The following SAMSN1 variants were observed in gnomAD, a reference collection of about 807,000 sequenced individuals.
The protein encoded by SAMSN1 is SAM domain, SH3 domain and nuclear localization signals 1, also known as SAM domain-containing protein SAMSN-1.
In SAMSN1, 31 loss-of-function variants were observed where a neutral mutation model predicts 42.0. The observed-to-expected ratio is 0.74, with a 90% CI of 0.55 to 1.00. SAMSN1 has a LOEUF of 1.00. Ranked by LOEUF, SAMSN1 falls within the 50% of genes least tolerant of loss-of-function variation. The pLI is 0.00. For missense variants in SAMSN1, 464 were observed against 439.4 expected (o/e 1.06, Z -0.50); for synonymous variants, 178 against 151.9 (o/e 1.17, Z -1.26).
chr21:14,647,008 G>T (rs1178544563), intron 1 of SAMSN1, among the ~76,000 whole-genome samples: 1 of 152,048 alleles, frequency 6.6e-6, no homozygotes, highest in Admixed American at 6.5e-5. Flanking sequence ...AAAGAAGGAA[G>T]ATAAGACCAT....
chr21:14,584,273 A>G (rs933660392), upstream of SAMSN1, among the ~76,000 whole-genome samples: 3 of 152,204 alleles, frequency 2.0e-5, no homozygotes, highest in Non-Finnish European at 4.4e-5. Flanking sequence ...TTCAAGTATG[A>G]AAATTTTTCA....
chr21:14,639,100 G>A (rs1983534750), intron 2 of SAMSN1, among the ~76,000 whole-genome samples: 1 of 152,198 alleles, frequency 6.6e-6, no homozygotes, highest in Non-Finnish European at 1.5e-5. Flanking sequence ...GATACAAAAT[G>A]AAGTGGAAAA....
chr21:14,534,413 T>C (rs1048980395), intron 1 of SAMSN1, among the ~76,000 whole-genome samples: 1 of 152,152 alleles, frequency 6.6e-6, no homozygotes, highest in Non-Finnish European at 1.5e-5. Context: ...GTGAATCTAG[T>C]TGGGAGCACA....
At position 14,510,385 on chromosome 21, in the gene SAMSN1, T is replaced by C; in HGVS notation, c.486A>G (p.Gly162=). 1 of 1,614,126 alleles carries C rather than the reference T, an allele frequency of 6.2e-7. No homozygotes were observed. Among genetic ancestry groups the C allele is most frequent in the Non-Finnish European group, 8.5e-7 (1 of 1,179,972 alleles). ...GCACTCTGGCACGGCCACAGAATGG[T>C]CCTGAATAGGGGCCATCGTCATCCA... The part of the protein sequence containing the change: ...FRLDDDGPYS[G]PFCGRARVHT... The change falls in exon 5 of 8, where the codon GGA becomes GGG. Residue 162 remains glycine, a synonymous_variant. Coordinates refer to ENST00000400566, the MANE Select transcript of SAMSN1 (RefSeq NM_022136.5).
At chr21:14,564,143 C>T (rs1981032859) in intron 2 of SAMSN1, among the ~76,000 whole-genome samples, 1 of 152,080 alleles carries the variant, frequency 6.6e-6, no homozygotes, top group Admixed American at 6.6e-5. Context: ...TGGTTCTGAA[C>T]CCATGCAATT....
In SAMSN1 at chr21:14,563,796, A is replaced by G. The variant is rs111493143; in HGVS notation, c.261+18340T>C. On this transcript the variant is annotated intron_variant, in intron 2 of 8. Transcript: ENST00000285670. ...AAATCAAATGTTCTCCATGGAAAGAACAGGTATAAAATACTTGGAAGGAGC... is the reference window on the plus strand; with the variant it reads ...AAATCAAATGTTCTCCATGGAAAGAGCAGGTATAAAATACTTGGAAGGAGC... Among the ~76,000 whole-genome samples, 157 of 152,338 alleles carry G rather than the reference A, an allele frequency of 1.0e-3. 1 individual carries two copies. Among genetic ancestry groups the G allele is most frequent in the African/African-American group, 3.7e-3 (154 of 41,582 alleles).
At chr21:14,653,313 A>T (rs1983864371) in intron 1 of SAMSN1, among the ~76,000 whole-genome samples, 1 of 152,060 alleles carries the variant, frequency 6.6e-6, no homozygotes, top group South Asian at 2.1e-4. Context: ...TGGTTCAATC[A>T]TCAAAAAAGA....
At position 14,486,107 on chromosome 21, in the gene SAMSN1, T is replaced by A. The variant is rs1192022369; in HGVS notation, c.927A>T (p.Gln309His). The A allele has an allele frequency of 1.9e-6, 3 of 1,612,462 alleles. No homozygotes were observed. In the African/African-American group the frequency reaches 4.0e-5, roughly 22 times the overall value. ...AENFLEEEII[Q>H]EQENEPEPLS... The stretch of plus-strand genomic sequence containing the variant: ...GGGGCTCAGGTTCATTTTCTTGCTC[T>A]TGAATAACTGTAAATGGAAAAAAAG... Residue 309 changes from glutamine (Q) to histidine (H), a missense_variant, in exon 8 of 8, where the codon CAA becomes CAT. Gln to His is a conservative substitution (Grantham distance 24). Coordinates refer to ENST00000400566, the MANE Select transcript of SAMSN1 (RefSeq NM_022136.5).
chr21:14,504,220 ACTAGCTCACCACCAATGAAT>A (rs1987301276), intron 5 of SAMSN1, among the ~76,000 whole-genome samples: 1 of 152,136 alleles, frequency 6.6e-6, no homozygotes, highest in Non-Finnish European at 1.5e-5. Flanking sequence ...AAAAAATCAC[ACTAGCTCACCACCAATGAAT>A]CCAAACCAAG....
At chr21:14,511,272 A>G (rs954115062) in intron 4 of SAMSN1, among the ~76,000 whole-genome samples, 59 of 152,238 alleles carry the variant, frequency 3.9e-4, no homozygotes, top group African/African-American at 1.4e-3. Flanking sequence ...GCATCTAATC[A>G]CATAAATTAA....
intron 1 of SAMSN1, among the ~76,000 whole-genome samples, chr21:14,646,523 A>C (rs8132606): frequency 0.21 from 31,391 of 152,124 alleles, 3,546 homozygotes; most frequent in African/African-American, 0.31. Context: ...TAAAGGGAGT[A>C]CTTCAATCAG....
At chr21:14,638,855 G>A (rs1395293954) in intron 2 of SAMSN1, among the ~76,000 whole-genome samples, 2 of 152,220 alleles carry the variant, frequency 1.3e-5, no homozygotes, top group Admixed American at 6.5e-5. Context: ...GCTAGAAAGA[G>A]AATCCACAAC....
At chr21:14,494,346 C>A (rs898679093) in intron 7 of SAMSN1, among the ~76,000 whole-genome samples, 26 of 152,236 alleles carry the variant, frequency 1.7e-4, no homozygotes, top group Admixed American at 3.3e-4. Flanking sequence ...TAAAGAAAAT[C>A]TGGCACATAT....
rs532997042 is a variant in SAMSN1 at position 14,605,746 on chromosome 21, C to G, written c.323-3647G>C. 6.4e-4 allele frequency among the ~76,000 whole-genome samples: 97 copies of G among 152,002 alleles called. 3 individuals carry two copies. The South Asian group carries it at 0.018, about 28-fold the overall frequency. ...CTAGAGTAGAAGGCCTTAAGAACAC[C>G]TCTTCTTTCCCACTGGGTTCCTCCT... is the stretch of plus-strand genomic sequence containing the variant. On this transcript the variant is annotated intron_variant, in intron 5 of 15. Transcript: ENST00000647101.
intron 1 of SAMSN1, among the ~76,000 whole-genome samples, chr21:14,541,239 C>A (rs149319189): frequency 4.3e-4 from 65 of 151,566 alleles, no homozygotes; most frequent in African/African-American, 1.5e-3. Context: ...ATGTAACAAA[C>A]CTGCACATGT....
intron 2 of SAMSN1, among the ~76,000 whole-genome samples, chr21:14,636,937 C>T (rs1355663323): frequency 2.6e-5 from 4 of 152,154 alleles, no homozygotes; most frequent in African/African-American, 9.7e-5. Context: ...TGTGCTCTTT[C>T]AAAAAGTTTA....
At chr21:14,609,718 A>G (rs965145426) in intron 4 of SAMSN1, 15 of 595,680 alleles carry the variant, frequency 2.5e-5, no homozygotes. Context: ...TGATGCAGGA[A>G]GTCAGGGACC....
intron 7 of SAMSN1, among the ~76,000 whole-genome samples, chr21:14,589,773 C>A (rs1982024923): frequency 6.6e-6 from 1 of 151,922 alleles, no homozygotes; most frequent in African/African-American, 2.4e-5. Flanking sequence ...AAGTAAAAAA[C>A]AAAACAAAAC....
At chr21:14,623,203 T>A (rs1023612217) in intron 2 of SAMSN1, among the ~76,000 whole-genome samples, 7 of 152,188 alleles carry the variant, frequency 4.6e-5, no homozygotes, top group Admixed American at 1.3e-4. Flanking sequence ...AGGAAGAAAC[T>A]GCATCAACTA....
Sources: gnomAD v4.1 joint callset for allele counts (sites outside exome capture counted in the v4.1 genomes callset) on GRCh38, gnomAD v4.1.1 for gene constraint, MANE v1.5 for transcripts, NCBI Gene and HGNC (gene_info 2026-07-23, HGNC 2026-07-21) for gene names.